The following MOSPD2 variants were observed in gnomAD, a reference collection of about 807,000 sequenced individuals.
The protein encoded by MOSPD2 is motile sperm domain containing 2.
In MOSPD2, 5 loss-of-function variants were observed where a neutral mutation model predicts 41.7. The observed-to-expected ratio is 0.12, with a 90% CI of 0.06 to 0.25. The LOEUF (loss-of-function observed/expected upper bound fraction) is 0.25, where lower values mean the gene tolerates loss of function less well. Among genes scored for constraint, MOSPD2 ranks in the 10% least tolerant of loss-of-function variants. MOSPD2 has a pLI of 1.00. For missense variants in MOSPD2, 282 were observed against 375.2 expected, an observed-to-expected ratio of 0.75 and a Z score of 2.05; for synonymous variants, 115 against 126.9, an observed-to-expected ratio of 0.91 and a Z score of 0.63.
At chrX:14,911,465 A>G (rs762132671) in intron 9 of MOSPD2, 52 bp downstream of exon 9, 2 of 896,087 alleles carry the variant, frequency 2.2e-6, no homozygotes, top group South Asian at 2.6e-5. Context: ...TCTATCCCCA[A>G]TTCTGACACT....
intron 8 of MOSPD2, among the ~76,000 whole-genome samples, chrX:14,909,459 C>T (rs192275690): frequency 1.6e-3 from 178 of 111,726 alleles, no homozygotes; most frequent in Non-Finnish European, 2.5e-3. Flanking sequence ...AGCAGGCTCT[C>T]ATACTCATTT....
At chrX:14,882,581 A>AT (rs1414314514) in intron 2 of MOSPD2, among the ~76,000 whole-genome samples, 1 of 111,780 alleles carries the variant, frequency 8.9e-6, no homozygotes, top group Non-Finnish European at 1.9e-5. Context: ...TATAAACATC[A>AT]TGTTGTATAC....
At chrX:14,892,086 T>C (rs2092554984) in intron 2 of MOSPD2, among the ~76,000 whole-genome samples, 1 of 112,062 alleles carries the variant, frequency 8.9e-6, no homozygotes, top group Non-Finnish European at 1.9e-5. Context: ...GTGGCTTACT[T>C]AAACCTGCAG....
intron 5 of MOSPD2, 135 bp downstream of exon 5, chrX:14,897,373 C>T (rs2092564868): frequency 2.1e-6 from 1 of 478,235 alleles, no homozygotes; most frequent in Non-Finnish European, 3.4e-6. Flanking sequence ...TTTCACCTTG[C>T]AGTGTGAGTG....
intron 5 of MOSPD2, 47 bp from the exon 6 acceptor site, chrX:14,900,528 T>C: frequency 1.5e-6 from 1 of 659,844 alleles, no homozygotes; most frequent in Non-Finnish European, 2.3e-6. Context: ...TGTGCAATTT[T>C]AAGTTCTCTA....
intron 2 of MOSPD2, among the ~76,000 whole-genome samples, chrX:14,891,593 G>A (rs1418456789): frequency 9.7e-6 from 1 of 103,324 alleles, no homozygotes; most frequent in African/African-American, 3.6e-5. Flanking sequence ...TTTTTAGACA[G>A]AGTCTCACTC....
At chrX:14,884,207 GT>G (rs2092537124) in intron 2 of MOSPD2, among the ~76,000 whole-genome samples, 1 of 110,977 alleles carries the variant, frequency 9.0e-6, no homozygotes, top group Non-Finnish European at 1.9e-5. Context: ...TCACTAATAA[GT>G]AAATAGTACA....
chrX:14,900,719 T>C (rs2092571588), intron 6 of MOSPD2, 84 bp downstream of exon 6: 8 of 436,875 alleles, frequency 1.8e-5, no homozygotes, highest in Non-Finnish European at 2.6e-5. Context: ...TATGTTATTA[T>C]AGACTTTCAT....
intron 4 of MOSPD2, among the ~76,000 whole-genome samples, chrX:14,895,765 G>A (rs1287355466): frequency 3.6e-5 from 4 of 110,289 alleles, no homozygotes; most frequent in East Asian, 2.8e-4. Context: ...TTTCCTTTTC[G>A]AGTCTCCCAT....
intron 7 of MOSPD2, among the ~76,000 whole-genome samples, chrX:14,903,385 A>AT (rs1466658603): frequency 1.8e-5 from 2 of 110,771 alleles, no homozygotes; most frequent in Admixed American, 9.7e-5. Context: ...ATATTCAACC[A>AT]TTAAGGTAAT....
chrX:14,894,928 A>G (rs998857234), intron 3 of MOSPD2, among the ~76,000 whole-genome samples: 1 of 112,323 alleles, frequency 8.9e-6, no homozygotes, highest in African/African-American at 3.2e-5. Context: ...CCATTTTACT[A>G]AAGAAACCAA....
chrX:14,908,823 G>T, intron 7 of MOSPD2, 37 bp from the exon 8 acceptor site: 1 of 1,149,535 alleles, frequency 8.7e-7, no homozygotes, highest in South Asian at 2.0e-5. Context: ...GACTAGGAAT[G>T]ATGAGAATTT....
At chrX:14,897,510 G>A (rs1351448075) in intron 5 of MOSPD2, among the ~76,000 whole-genome samples, 1 of 111,793 alleles carries the variant, frequency 8.9e-6, no homozygotes, top group Non-Finnish European at 1.9e-5. Flanking sequence ...GTCGAGGCTG[G>A]CAAGGTATGA....
chrX:14,890,573 T>C, intron 2 of MOSPD2, among the ~76,000 whole-genome samples: 1 of 112,123 alleles, frequency 8.9e-6, no homozygotes, highest in Middle Eastern at 4.6e-3. Context: ...ATTTATGGCC[T>C]CTTCTTATAT....
At chrX:14,883,023 C>T (rs2092534590) in intron 2 of MOSPD2, among the ~76,000 whole-genome samples, 1 of 110,075 alleles carries the variant, frequency 9.1e-6, no homozygotes, top group Non-Finnish European at 1.9e-5. Context: ...GGTGAAACCC[C>T]ATCTCTACTA....
In MOSPD2 at chrX:14,920,374, C is replaced by T. The variant is rs1409851165; in HGVS notation, c.*565C>T. ...GTCAGTATTCTTTTGGAATGTAAAC[C>T]GATTTAATGCCAAACCACCTTAACC... On this transcript the variant is annotated 3_prime_UTR_variant, in exon 15 of 15. Coordinates refer to ENST00000380492, the MANE Select transcript of MOSPD2 (RefSeq NM_152581.4). 2.7e-6 allele frequency: 2 copies of T among 750,757 alleles called. No individual in the cohort carries two copies. Among genetic ancestry groups the T allele is most frequent in the Non-Finnish European group, 3.1e-6 (2 of 637,130 alleles). 61.9% of individuals were successfully genotyped at this position (750,757 alleles called of 1,213,427 possible).
intron 13 of MOSPD2, 128 bp from the exon 14 acceptor site, chrX:14,918,552 G>A: frequency 2.2e-6 from 1 of 459,475 alleles, no homozygotes; most frequent in Admixed American, 4.1e-5. Context: ...AGGTGAACCT[G>A]GGGAAGAGGA....
At position 14,920,204 on chromosome X, in the gene MOSPD2, A is replaced by T. The variant is rs1169199276; in HGVS notation, c.*395A>T. The T allele has an allele frequency of 4.0e-6, 3 of 753,353 alleles. No homozygotes were observed. The highest frequency in any genetic ancestry group is 6.8e-5 in the South Asian group (1 of 14,761). 62.1% of individuals were successfully genotyped at this position (753,353 alleles called of 1,213,427 possible). A position where few individuals can be genotyped will look rare whatever the true frequency, so the allele number is the denominator to read the frequency against. Reference sequence around the variant, plus strand: ...AAAAAATGTAATCTGCTTTTTTATGACAGAATTATTATAGCTGAGCTGACT... The same window carrying T: ...AAAAAATGTAATCTGCTTTTTTATGTCAGAATTATTATAGCTGAGCTGACT... On this transcript the variant is annotated 3_prime_UTR_variant, in exon 15 of 15. Coordinates refer to ENST00000380492, the MANE Select transcript of MOSPD2 (RefSeq NM_152581.4).
intron 2 of MOSPD2, among the ~76,000 whole-genome samples, chrX:14,887,022 A>G (rs1197190372): frequency 8.9e-6 from 1 of 112,088 alleles, no homozygotes; most frequent in Non-Finnish European, 1.9e-5. Context: ...ACTGACATTT[A>G]TGCAGTCCAG....
Sources: gnomAD v4.1 joint callset for allele counts (sites outside exome capture counted in the v4.1 genomes callset) on GRCh38, gnomAD v4.1.1 for gene constraint, MANE v1.5 for transcripts, NCBI Gene and HGNC (gene_info 2026-07-23, HGNC 2026-07-21) for gene names.